ANKRD11: variants seen among roughly 807,000 people sequenced by gnomAD.
The protein encoded by ANKRD11 is ankyrin repeat domain-containing protein 11.
Under a neutral mutation model 195.7 loss-of-function variants are expected in ANKRD11, and 17 were observed. The observed-to-expected ratio is 0.09, with a 90% CI of 0.06 to 0.13. The LOEUF is 0.13. ANKRD11 is among the 10% of genes least tolerant of loss of function. The probability of loss-of-function intolerance (pLI) is 1.00; values close to 1 mark genes in which losing one functional copy is unlikely to be tolerated. For missense variants in ANKRD11, 3,735 were observed against 3,566.1 expected (o/e 1.05, Z -1.21); for synonymous variants, 1,953 against 1,528.1 (o/e 1.28, Z -6.49).
intron 1 of ANKRD11, among the ~76,000 whole-genome samples, chr16:89,433,636 G>A (rs1486147238): frequency 6.6e-6 from 1 of 151,742 alleles, no homozygotes; most frequent in African/African-American, 2.4e-5. Flanking sequence ...GACGCAGCAG[G>A]GCTGGGCACG....
chr16:89,426,529 TCACACACACACACACACACACACA>T (rs55664494), intron 1 of ANKRD11, among the ~76,000 whole-genome samples: 1 of 142,256 alleles, frequency 7.0e-6, no homozygotes, highest in African/African-American at 2.6e-5. Context: ...CACTTAAACA[TCACACACACACACACACACACACA>T]CACACACACA....
At chr16:89,369,258 G>T (rs1052619398) in intron 2 of ANKRD11, among the ~76,000 whole-genome samples, 3 of 152,226 alleles carry the variant, frequency 2.0e-5, no homozygotes, top group African/African-American at 7.2e-5. Flanking sequence ...CCTACACCTA[G>T]GTACGCCCGA....
At chr16:89,358,080 T>C (rs2039567386) in intron 2 of ANKRD11, among the ~76,000 whole-genome samples, 1 of 152,202 alleles carries the variant, frequency 6.6e-6, no homozygotes, top group Admixed American at 6.5e-5. Flanking sequence ...AGGCACCAGA[T>C]GCAACTTTTG....
chr16:89,357,961 T>A (rs977550991), intron 2 of ANKRD11, among the ~76,000 whole-genome samples: 35 of 152,354 alleles, frequency 2.3e-4, no homozygotes, highest in Non-Finnish European at 1.0e-4. Flanking sequence ...ACAATCAGAT[T>A]TAGTTATGAT....
chr16:89,301,506 C>A (rs1285920652), intron 4 of ANKRD11: 1 of 398,644 alleles, frequency 2.5e-6, no homozygotes, highest in Non-Finnish European at 4.4e-6. Flanking sequence ...AGTCCCAGGG[C>A]AAGCTGGTCT....
intron 9 of ANKRD11, among the ~76,000 whole-genome samples, chr16:89,276,151 G>A (rs1007402789): frequency 6.6e-6 from 1 of 152,178 alleles, no homozygotes; most frequent in Non-Finnish European, 1.5e-5. Context: ...ACAAGAGGGA[G>A]ACCAGGAAGA....
intron 4 of ANKRD11, among the ~76,000 whole-genome samples, chr16:89,293,506 C>A (rs369023256): frequency 6.1e-5 from 8 of 132,182 alleles, no homozygotes; most frequent in African/African-American, 1.8e-4. Flanking sequence ...AGAGTTGGGG[C>A]TGCAGAGCGA....
chr16:89,395,901 T>C (rs941777180), intron 2 of ANKRD11: 6 of 152,210 alleles, frequency 3.9e-5, no homozygotes, highest in African/African-American at 1.4e-4. Flanking sequence ...GCAGCATTCA[T>C]CTTGTGCATA....
At chr16:89,367,581 C>T (rs1297500048) in intron 2 of ANKRD11, among the ~76,000 whole-genome samples, 1 of 152,216 alleles carries the variant, frequency 6.6e-6, no homozygotes, top group Non-Finnish European at 1.5e-5. Context: ...CCTGACCCGT[C>T]CCTCCTCAGC....
intron 11 of ANKRD11, chr16:89,272,802 CG>C (rs1567540692): frequency 6.6e-6 from 1 of 151,996 alleles, no homozygotes; most frequent in Non-Finnish European, 1.5e-5. Flanking sequence ...ACATACACAA[CG>C]GAGTACTATT....
chr16:89,324,801 T>A, intron 2 of ANKRD11: 1 of 291,668 alleles, frequency 3.4e-6, no homozygotes, highest in Non-Finnish European at 6.7e-6. Flanking sequence ...TCCCGACTTT[T>A]GAGGTTTGGG....
At chr16:89,343,772 A>C (rs956848773) in intron 2 of ANKRD11, 2 of 152,352 alleles carry the variant, frequency 1.3e-5, no homozygotes, top group African/African-American at 4.8e-5. Context: ...TCACCAGTGC[A>C]GCCTGCGTCA....
At chr16:89,411,920 G>T (rs1342614036) in intron 2 of ANKRD11, among the ~76,000 whole-genome samples, 1 of 149,770 alleles carries the variant, frequency 6.7e-6, no homozygotes, top group East Asian at 2.0e-4. Context: ...CAGGTACTGG[G>T]GTGAGATGCC....
chr16:89,284,279 C>G lies in ANKRD11; in HGVS notation c.2263G>C (p.Glu755Gln), dbSNP rs2034491114. Reference protein sequence around the residue: ...ERSLKEKSPKEEKLRLYKEER... With the variant: ...ERSLKEKSPKQEKLRLYKEER... ...TCTTTGTACAGTCTCAGTTTTTCTT[C>G]TTTCGGAGACTTTTCCTTCAGCGAT... Residue 755 changes from glutamate (E) to glutamine (Q), a missense_variant, in exon 9 of 13, where the codon GAA (glutamate) becomes CAA (glutamine). Transcript: ENST00000301030. 3 of 1,613,628 alleles carry G rather than the reference C, an allele frequency of 1.9e-6. No individual in the cohort carries two copies. The highest frequency in any genetic ancestry group is 2.5e-6 in the Non-Finnish European group (3 of 1,180,000).
chr16:89,454,178 CAA>C (rs2056324409), intron 1 of ANKRD11, among the ~76,000 whole-genome samples: 1 of 152,176 alleles, frequency 6.6e-6, no homozygotes. Flanking sequence ...GCGCCACAAC[CAA>C]GAGAGCCTGA....
rs1390169316 is a variant in ANKRD11 at position 89,449,898 on chromosome 16, C to G, written c.-144-31530G>C. Among the ~76,000 whole-genome samples, 3 of 152,288 alleles carry G rather than the reference C, an allele frequency of 2.0e-5. No individual in the cohort carries two copies. The East Asian group carries it at 5.8e-4, about 29-fold the overall frequency. On this transcript the variant is annotated intron_variant, in intron 1 of 12. Transcript: ENST00000301030. ...GATCAAAGTCATAGACAGGCAGAGC[C>G]ACACTGAAGAATGCAGTCCTGGCTA...
intron 1 of ANKRD11, among the ~76,000 whole-genome samples, chr16:89,440,709 A>G (rs1328347373): frequency 6.6e-6 from 1 of 152,224 alleles, no homozygotes; most frequent in African/African-American, 2.4e-5. Flanking sequence ...ACTCACAGCA[A>G]CGTGGGCAGA....
At chr16:89,272,110 G>A (rs565254784) in intron 11 of ANKRD11, 1 of 152,236 alleles carries the variant, frequency 6.6e-6, no homozygotes, top group South Asian at 2.1e-4. Context: ...TCTCAAAGGA[G>A]ACACACAAAT....
At chr16:89,353,700 G>A (rs569001500) in intron 2 of ANKRD11, among the ~76,000 whole-genome samples, 19 of 152,238 alleles carry the variant, frequency 1.2e-4, no homozygotes, top group African/African-American at 4.1e-4. Flanking sequence ...GGCTGGTTTC[G>A]AACTCCTGAC....
Sources: gnomAD v4.1 joint callset for allele counts (sites outside exome capture counted in the v4.1 genomes callset) on GRCh38, gnomAD v4.1.1 for gene constraint, MANE v1.5 for transcripts, NCBI Gene and HGNC (gene_info 2026-07-23, HGNC 2026-07-21) for gene names.